The following MST1R variants were observed in gnomAD, a reference collection of about 807,000 sequenced individuals.
The protein encoded by MST1R is macrophage-stimulating protein receptor.
MST1R carries 99 observed loss-of-function variants against 117.8 expected under a neutral mutation model. That is an observed-to-expected ratio of 0.84 (90% CI 0.71 to 0.99). The LOEUF is 0.99. Ranked by LOEUF, MST1R falls within the 50% of genes least tolerant of loss-of-function variation. The pLI, the probability that MST1R is intolerant of heterozygous loss-of-function variation, is 0.00. For missense variants in MST1R, 1,683 were observed against 1,840.2 expected (o/e 0.91, Z 1.56); for synonymous variants, 734 against 765.3 (o/e 0.96, Z 0.68).
chr3:49,902,680 C>A lies in MST1R; in HGVS notation c.930G>T (p.Gly310=). ...GGTAGGGCTGTCCGCCTTCTGGGGC[C>A]CCCCGGCGCCTGCGTTTTGGAGCAA... ...CRFAPKRRRR[G]APEGGQPYPV... The change falls in exon 1 of 20, where the codon GGG becomes GGT. Residue 310 remains glycine, a synonymous_variant. Transcript: ENST00000296474. The A allele has an allele frequency of 3.7e-6, 6 of 1,613,404 alleles. No individual in the cohort carries two copies. The highest frequency in any genetic ancestry group is 5.1e-6 in the Non-Finnish European group (6 of 1,180,008).
Position 49,890,030 on chromosome 3 carries a change from G to A in MST1R, c.3841C>T (p.Leu1281=), listed in dbSNP as rs1189101610. Residue 1281 remains leucine, a synonymous_variant, in exon 19 of 20, where the codon CTG becomes TTG. Coordinates refer to ENST00000296474, the MANE Select transcript of MST1R (RefSeq NM_002447.4). ...CGGTATGGTGGGGCACCCCGTGTCA[G>A]CAGTTCCCACAGCAGCACACCAAAT... ...WSFGVLLWEL[L]TRGAPPYRHI... The A allele has an allele frequency of 6.2e-7, 1 of 1,612,062 alleles. No individual in the cohort carries two copies. Among genetic ancestry groups the A allele is most frequent in the South Asian group, 1.1e-5 (1 of 90,786 alleles).
Position 49,897,693 on chromosome 3 carries a change from A to G in MST1R, c.1881-8T>C. Reference sequence around the variant, plus strand: ...TCTTTCCGGGGCACTGGTCTGGGGCACCAGGGGAACCCCTGAGGTCAGCCA... The same window carrying G: ...TCTTTCCGGGGCACTGGTCTGGGGCGCCAGGGGAACCCCTGAGGTCAGCCA... On this transcript the variant is annotated splice_polypyrimidine_tract_variant and splice_region_variant and intron_variant, in intron 5 of 19. Coordinates refer to ENST00000296474, the MANE Select transcript of MST1R (RefSeq NM_002447.4). 6.2e-7 allele frequency: 1 copy of G among 1,606,130 alleles called. No homozygotes were observed. The highest frequency in any genetic ancestry group is 8.5e-7 in the Non-Finnish European group (1 of 1,175,964).
At position 49,903,582 on chromosome 3, in the gene MST1R, A is replaced by G. The variant is rs765180725; in HGVS notation, c.28T>C (p.Ser10Pro). 18 of 1,576,624 alleles carry G rather than the reference A, an allele frequency of 1.1e-5. No homozygotes were observed. Among genetic ancestry groups the G allele is most frequent in the Non-Finnish European group, 1.5e-5 (17 of 1,167,028 alleles). The change falls in exon 1 of 20, where the codon TCC becomes CCC. Residue 10 changes from serine to proline, a missense_variant. Ser to Pro is a moderately conservative substitution (Grantham distance 74, BLOSUM62 -1). Coordinates refer to ENST00000296474, the MANE Select transcript of MST1R (RefSeq NM_002447.4). Reference protein sequence around the residue: MELLPPLPQSFLLLLLLPAK... With the variant: MELLPPLPQPFLLLLLLPAK... ...GGCAACAGCAGCAGCAACAGGAAGG[A>G]CTGAGGCAGCGGCGGGAGGAGCTCC...
Position 49,896,284 on chromosome 3 carries a change from G to A in MST1R, c.2560C>T (p.Leu854=), listed in dbSNP as rs780949524. 1 of 1,614,176 alleles carries A rather than the reference G, an allele frequency of 6.2e-7. No individual in the cohort carries two copies. Among genetic ancestry groups the A allele is most frequent in the East Asian group, 2.2e-5 (1 of 44,884 alleles). The change falls in exon 10 of 20, where the codon CTG becomes TTG. Residue 854 remains leucine, a synonymous_variant. Coordinates refer to ENST00000296474, the MANE Select transcript of MST1R (RefSeq NM_002447.4). ...GGGGGTAGGAAGCGAAAGCCAGGCA[G>A]TGTAAAGCCAGCAGCTCCATCCCCT... ...ARGDGAAGFT[L]PGFRFLPPPH... is the part of the protein sequence containing the mutation.
chr3:49,891,712 A>T (rs1290263042), intron 15 of MST1R, 46 bp downstream of exon 15: 1 of 1,610,646 alleles, frequency 6.2e-7, no homozygotes, highest in African/African-American at 1.3e-5. Context: ...GAATCCTCCC[A>T]GCCTGAGGCC....
At position 49,896,516 on chromosome 3, in the gene MST1R, C is replaced by A. The variant is rs774405817; in HGVS notation, c.2439+24G>T. On this transcript the variant is annotated intron_variant, in intron 9 of 19. Transcript: ENST00000296474. ...CTCAGGGAACTCATCCAGCCTTCCT[C>A]CCTCCTGGCCAGCACTCACTCACCC... The A allele has an allele frequency of 4.3e-6, 7 of 1,613,320 alleles. No homozygotes were observed. In the East Asian group the frequency reaches 1.6e-4, roughly 36 times the overall value.
Position 49,898,552 on chromosome 3 carries a change from C to T in MST1R, c.1685G>A (p.Trp562Ter), listed in dbSNP as rs2082560102. The change falls in exon 4 of 20, where the codon TGG (tryptophan) becomes TAG (stop). Residue 562 changes from tryptophan (W) to a stop codon, truncating the protein, a stop_gained. Transcript: ENST00000296474. LOFTEE classifies it high-confidence loss of function. ...CGQQKECPGS[W>*]QQDHCPPKLT... ...CTTAGGTGGGCAGTGGTCCTGTTGC[C>T]AGGAGCCAGGACACTCCTTCTGCTG... The T allele has an allele frequency of 1.9e-6, 3 of 1,613,972 alleles. No homozygotes were observed.
rs748786668 is a variant in MST1R, at chr3:49,902,740, C to G, written c.870G>C (p.Leu290Phe). The G allele has an allele frequency of 6.2e-7, 1 of 1,613,866 alleles. No individual in the cohort carries two copies. The highest frequency in any genetic ancestry group is 1.7e-5 in the Admixed American group (1 of 60,034). ...LARLSATEPE[L>F]GDYRELVLDC... is the part of the protein sequence containing the mutation. The stretch of plus-strand genomic sequence containing the variant: ...CGAGGACCAGCTCCCGATAGTCACC[C>G]AACTCTGGCTCAGTGGCGCTAAGCC... Residue 290 changes from leucine (L) to phenylalanine (F), a missense_variant, in exon 1 of 20, where the codon TTG becomes TTC. Transcript: ENST00000296474.
rs1425836253 is a variant in MST1R, at chr3:49,895,090, A to C, written c.3271+77T>G. 8 of 1,501,442 alleles carry C rather than the reference A, an allele frequency of 5.3e-6. No homozygotes were observed. In the Admixed American group the frequency reaches 1.3e-4, roughly 25 times the overall value. The allele number at this position is 1,501,442 out of a possible 1,614,324, so 93.0% of individuals were successfully genotyped here. A position where few individuals can be genotyped will look rare whatever the true frequency, so the allele number is the denominator to read the frequency against. On this transcript the variant is annotated intron_variant, in intron 14 of 19. Transcript: ENST00000296474. Reference sequence around the variant, plus strand: ...CCTCCCAAAGTGCTGGGATTACAGGAGTGAGCCACCACGCCTGGCCTAGCC... The same window carrying C: ...CCTCCCAAAGTGCTGGGATTACAGGCGTGAGCCACCACGCCTGGCCTAGCC...
intron 19 of MST1R, among the ~76,000 whole-genome samples, chr3:49,889,106 A>T (rs1317022970): frequency 6.6e-6 from 1 of 152,198 alleles, no homozygotes; most frequent in Non-Finnish European, 1.5e-5. Context: ...GGGTCATCCC[A>T]GTTCAAGCAG....
chr3:49,890,917 G>A (rs1023270979), intron 17 of MST1R, among the ~76,000 whole-genome samples: 2 of 152,096 alleles, frequency 1.3e-5, no homozygotes, highest in Non-Finnish European at 2.9e-5. Flanking sequence ...TAGTAGAGAC[G>A]GGGTTTCACC....
Position 49,902,837 on chromosome 3 carries a change from A to T in MST1R, c.773T>A (p.Phe258Tyr), listed in dbSNP as rs2108506328. 6.2e-7 allele frequency: 1 copy of T among 1,613,572 alleles called. No individual in the cohort carries two copies. Among genetic ancestry groups the T allele is most frequent in the East Asian group, 2.2e-5 (1 of 44,894 alleles). Residue 258 changes from phenylalanine (F) to tyrosine (Y), a missense_variant, in exon 1 of 20, where the codon TTC becomes TAC. Transcript: ENST00000296474. ...CGGCTGTACAGTCAGGAAGTATACG[A>T]AGGCTCCCGTGTGGAAGCTGTGCAC... ...EYVHSFHTGAFVYFLTVQPAS... is the reference protein window; with the variant it reads ...EYVHSFHTGAYVYFLTVQPAS...
At position 49,899,264 on chromosome 3, in the gene MST1R, C is replaced by G. The variant is rs751271783; in HGVS notation, c.1231-1G>C. On this transcript the variant is annotated splice_acceptor_variant, in intron 1 of 19. Coordinates refer to ENST00000296474, the MANE Select transcript of MST1R (RefSeq NM_002447.4). LOFTEE classifies it high-confidence loss of function. ...TGGGGCTGAGGGCTTCCAGGCCAGG[C>G]TGGGAAAGGTCAGGGAAGGGAAGGA... The G allele has an allele frequency of 3.8e-5, 62 of 1,613,754 alleles. No individual in the cohort carries two copies. The highest frequency in any genetic ancestry group is 2.2e-4 in the South Asian group (20 of 91,076).
At chr3:49,898,833 C>T (rs899864645) in intron 3 of MST1R, 34 bp downstream of exon 3, 2 of 1,613,254 alleles carry the variant, frequency 1.2e-6, no homozygotes, top group African/African-American at 1.3e-5. Flanking sequence ...GATCCCACAA[C>T]CCTGGCCCCA....
chr3:49,903,622 G>T lies in MST1R; in HGVS notation c.-13C>A. 6.5e-7 allele frequency: 1 copy of T among 1,546,494 alleles called. No homozygotes were observed. The highest frequency in any genetic ancestry group is 8.7e-7 in the Non-Finnish European group (1 of 1,152,980). On this transcript the variant is annotated 5_prime_UTR_variant, in exon 1 of 20. Transcript: ENST00000296474. ...GGAGGAGCTCCATCGAGGCGAGCTG[G>T]GACCCTAGAGGATCCCTACCGGCCT...
At chr3:49,889,557 G>C (rs2082253460) in intron 19 of MST1R, among the ~76,000 whole-genome samples, 2 of 152,138 alleles carry the variant, frequency 1.3e-5, no homozygotes, top group African/African-American at 4.8e-5. Flanking sequence ...ACCTGACCTG[G>C]AGATCCAGAG....
rs771698576 is a variant in MST1R at position 49,903,331 on chromosome 3, C to T, written c.279G>A (p.Thr93=). 2 of 1,613,360 alleles carry T rather than the reference C, an allele frequency of 1.2e-6. No individual in the cohort carries two copies. Among genetic ancestry groups the T allele is most frequent in the South Asian group, 2.2e-5 (2 of 91,090 alleles). The change falls in exon 1 of 20, where the codon ACG becomes ACA. Residue 93 remains threonine (T), a synonymous_variant. Transcript: ENST00000296474. ...GGCAGCCAGGGTCTCCAGCAGGGCC[C>T]GTGGCCAGGCTCTGGACAGACTTCA... is the stretch of plus-strand genomic sequence containing the variant. The part of the protein sequence containing the change: ...PDLKSVQSLA[T]GPAGDPGCQT...
chr3:49,891,726 C>T, intron 15 of MST1R, 32 bp downstream of exon 15: 1 of 1,612,366 alleles, frequency 6.2e-7, no homozygotes, highest in Non-Finnish European at 8.5e-7. Context: ...TGAGGCCCCT[C>T]CCTCTGCCTT....
At chr3:49,889,802 CGA>C (rs1559466064) in intron 19 of MST1R, 120 bp downstream of exon 19, 2 of 1,223,498 alleles carry the variant, frequency 1.6e-6, no homozygotes, top group African/African-American at 3.0e-5. Context: ...TGAGGCCCAG[CGA>C]GAGTCCCTTT....
Sources: gnomAD v4.1 joint callset for allele counts (sites outside exome capture counted in the v4.1 genomes callset) on GRCh38, gnomAD v4.1.1 for gene constraint, MANE v1.5 for transcripts, NCBI Gene and HGNC (gene_info 2026-07-23, HGNC 2026-07-21) for gene names.